Variants in ZYX observed in about 807,000 individuals in gnomAD.
ZYX encodes the protein zyxin.
Under a neutral mutation model 58.1 loss-of-function variants are expected in ZYX, and 37 were observed. That is an observed-to-expected ratio of 0.64 (90% CI 0.49 to 0.84). The LOEUF (loss-of-function observed/expected upper bound fraction) is 0.84. ZYX is among the 40% of genes least tolerant of loss of function. The probability of loss-of-function intolerance (pLI) is 0.00; values close to 1 mark genes in which losing one functional copy is unlikely to be tolerated. For synonymous variants in ZYX, 324 were observed against 321.1 expected (o/e 1.01, Z -0.10); for missense variants, 762 against 761.6 (o/e 1.00, Z -0.01).
intron 5 of ZYX, among the ~76,000 whole-genome samples, chr7:143,383,690 A>C (rs1804752197): frequency 6.6e-6 from 1 of 152,114 alleles, no homozygotes; most frequent in African/African-American, 2.4e-5. Flanking sequence ...TCTTGAGTTA[A>C]TCTCCCTGCT....
chr7:143,388,700 A>T lies in ZYX; in HGVS notation c.1314+42A>T, dbSNP rs113589902. 3 of 1,607,038 alleles carry T rather than the reference A, an allele frequency of 1.9e-6. No homozygotes were observed. The highest frequency in any genetic ancestry group is 1.1e-5 in the South Asian group (1 of 90,734). Reference sequence around the variant, plus strand: ...TGGGCTGTGCTGGGCTGTGCTGGGCAGTCGGGCCCTGGAAGCTTGCTGTGG... The same window carrying T: ...TGGGCTGTGCTGGGCTGTGCTGGGCTGTCGGGCCCTGGAAGCTTGCTGTGG... On this transcript the variant is annotated intron_variant, in intron 7 of 9. Transcript: ENST00000322764. This position sits in a 1 kb window ranked among gnomAD's most constrained non-coding sequence, Gnocchi z 7.5.
Position 143,388,128 on chromosome 7 carries a change from AGCCTCATCGGAAGAAGCCGGGTAGGCT to A in ZYX, c.1024-89_1024-63del. 3 of 1,464,556 alleles carry A rather than the reference AGCCTCATCGGAAGAAGCCGGGTAGGCT, an allele frequency of 2.0e-6. No individual in the cohort carries two copies. In the South Asian group the frequency reaches 4.0e-5, roughly 20 times the overall value. The allele number at this position is 1,464,556 out of a possible 1,614,324, so 90.7% of individuals were successfully genotyped here. On this transcript the variant is annotated intron_variant, in intron 5 of 9. Coordinates refer to ENST00000322764, the MANE Select transcript of ZYX (RefSeq NM_003461.5). This position sits in a 1 kb window ranked among gnomAD's most constrained non-coding sequence, Gnocchi z 7.5. Reference sequence around the variant, plus strand: ...CATCTGGGACACGAGCTGGGAGCTAAGCCTCATCGGAAGAAGCCGGGTAGGCTGGCCTGGGAAGGTTCTTGGAGGCAG... The same window carrying A: ...CATCTGGGACACGAGCTGGGAGCTAAGGCCTGGGAAGGTTCTTGGAGGCAG...
chr7:143,382,913 G>C lies in ZYX; in HGVS notation c.614G>C (p.Ser205Thr). ...APLPPWKSPS[S>T]SQPLPQVPAP... is the part of the protein sequence containing the mutation. Reference sequence around the variant, plus strand: ...CTGCCTCCTTGGAAGTCCCCTTCCAGCTCCCAGCCTCTGCCCCAGGTTCCG... The same window carrying C: ...CTGCCTCCTTGGAAGTCCCCTTCCACCTCCCAGCCTCTGCCCCAGGTTCCG... Residue 205 changes from serine (S) to threonine (T), a missense_variant, in exon 5 of 10, where the codon AGC becomes ACC. Ser to Thr is a moderately conservative substitution (Grantham distance 58). Transcript: ENST00000322764. 6.2e-7 allele frequency: 1 copy of C among 1,614,004 alleles called. No individual in the cohort carries two copies. The highest frequency in any genetic ancestry group is 1.1e-5 in the South Asian group (1 of 91,068).
chr7:143,382,108 C>A (rs1033087074), intron 2 of ZYX, 140 bp from the exon 3 acceptor site: 1 of 649,238 alleles, frequency 1.5e-6, no homozygotes, highest in Non-Finnish European at 2.3e-6. Flanking sequence ...CCAGGGCGCC[C>A]TGCGCCCCTC....
chr7:143,388,475 T>C lies in ZYX; in HGVS notation c.1145-14T>C. The C allele has an allele frequency of 6.2e-7, 1 of 1,609,050 alleles. No homozygotes were observed. The highest frequency in any genetic ancestry group is 8.5e-7 in the Non-Finnish European group (1 of 1,177,752). ...CTTCCTTCTATTTACTGCTGTCTTC[T>C]CTGGCCTTCCCAGAACTCTGCGGCC... On this transcript the variant is annotated splice_polypyrimidine_tract_variant and intron_variant, in intron 6 of 9. Coordinates refer to ENST00000322764, the MANE Select transcript of ZYX (RefSeq NM_003461.5). This position sits in a 1 kb window ranked among gnomAD's most constrained non-coding sequence, Gnocchi z 7.5.
chr7:143,387,804 G>A lies in ZYX; in HGVS notation c.1024-415G>A, dbSNP rs762909150. On this transcript the variant is annotated intron_variant, in intron 5 of 9. Coordinates refer to ENST00000322764, the MANE Select transcript of ZYX (RefSeq NM_003461.5). This position sits in a 1 kb window ranked among gnomAD's most constrained non-coding sequence, Gnocchi z 5.8. Reference sequence around the variant, plus strand: ...GCAGGCCGGGTAGGTGTGTGTGCGCGTGTGTGCACGCCATTGCGTGCCCCT... The same window carrying A: ...GCAGGCCGGGTAGGTGTGTGTGCGCATGTGTGCACGCCATTGCGTGCCCCT... 9.9e-5 allele frequency: 47 copies of A among 474,640 alleles called. No homozygotes were observed. The highest frequency in any genetic ancestry group is 3.5e-5 in the Non-Finnish European group (8 of 229,602). 29.4% of individuals were successfully genotyped at this position (474,640 alleles called of 1,614,324 possible). A position where few individuals can be genotyped will look rare whatever the true frequency, so the allele number is the denominator to read the frequency against.
intron 5 of ZYX, among the ~76,000 whole-genome samples, chr7:143,386,423 G>A (rs1379006193): frequency 6.6e-6 from 1 of 152,116 alleles, no homozygotes; most frequent in Admixed American, 6.5e-5. Context: ...GCAGGTGGGG[G>A]CTCAGGAGAT....
At chr7:143,382,072 GC>G in intron 2 of ZYX, 175 bp from the exon 3 acceptor site, 2 of 625,948 alleles carry the variant, frequency 3.2e-6, no homozygotes, top group Non-Finnish European at 5.4e-6. Context: ...TCGGCAGTGC[GC>G]CCGGCCTTTC....
chr7:143,389,049 T>C lies in ZYX; in HGVS notation c.1493+104T>C. The C allele has an allele frequency of 7.4e-7, 1 of 1,350,596 alleles. No individual in the cohort carries two copies. The highest frequency in any genetic ancestry group is 1.0e-6 in the Non-Finnish European group (1 of 993,398). 83.7% of individuals were successfully genotyped at this position (1,350,596 alleles called of 1,614,324 possible). A position where few individuals can be genotyped will look rare whatever the true frequency, so the allele number is the denominator to read the frequency against. ...GACAGCCCCAAACCCCTGGTGGTGT[T>C]TTCTGGTCCCATGTCCTGTCTGTAA... On this transcript the variant is annotated intron_variant, in intron 8 of 9. Transcript: ENST00000322764. The surrounding 1 kb of genome is among the most constrained non-coding windows in gnomAD (Gnocchi z 5.6).
intron 5 of ZYX, among the ~76,000 whole-genome samples, chr7:143,385,016 C>A (rs996229642): frequency 2.0e-5 from 3 of 152,016 alleles, no homozygotes; most frequent in African/African-American, 7.3e-5. Flanking sequence ...AGGGTCGGAG[C>A]GGAGGAGCTT....
chr7:143,390,640 C>T lies in ZYX; in HGVS notation c.1677C>T (p.His559=), dbSNP rs779060717. 15 of 1,587,992 alleles carry T rather than the reference C, an allele frequency of 9.4e-6. No homozygotes were observed. The African/African-American group carries it at 1.1e-4, about 11-fold the overall frequency. The change falls in exon 10 of 10, where the codon CAC becomes CAT. Residue 559 remains histidine (H), a synonymous_variant. Coordinates refer to ENST00000322764, the MANE Select transcript of ZYX (RefSeq NM_003461.5). This position sits in a 1 kb window ranked among gnomAD's most constrained non-coding sequence, Gnocchi z 4.3. The stretch of plus-strand genomic sequence containing the variant: ...ATGGCTGCTTCCCCCTGGACGGTCA[C>T]GTGCTCTGTCGGAAGTGCCACACTG... The part of the protein sequence containing the change: ...DDNGCFPLDG[H]VLCRKCHTAR...
Position 143,384,300 on chromosome 7 carries a change from G to T in ZYX, c.1023+978G>T. 2.1e-6 allele frequency: 1 copy of T among 470,476 alleles called. No individual in the cohort carries two copies. The highest frequency in any genetic ancestry group is 1.6e-5 in the South Asian group (1 of 64,482). 29.1% of individuals were successfully genotyped at this position (470,476 alleles called of 1,614,324 possible). A position where few individuals can be genotyped will look rare whatever the true frequency, so the allele number is the denominator to read the frequency against. ...CAACTCGGGGAGTCAAATTAGGAAA[G>T]GCTTCGAAGGATGGGCAGGACGTAA... On this transcript the variant is annotated intron_variant, in intron 5 of 9. Coordinates refer to ENST00000322764, the MANE Select transcript of ZYX (RefSeq NM_003461.5). The surrounding 1 kb of genome is among the most constrained non-coding windows in gnomAD (Gnocchi z 4.9).
chr7:143,381,825 G>C lies in ZYX; in HGVS notation c.208+46G>C, dbSNP rs529105710. On this transcript the variant is annotated intron_variant, in intron 2 of 9. Coordinates refer to ENST00000322764, the MANE Select transcript of ZYX (RefSeq NM_003461.5). ...AATGTACCCCGGCAGGAGCCGGGGT[G>C]GGGGGCAGTCGTTTCGGGAATTTGG... 159 of 1,464,778 alleles carry C rather than the reference G, an allele frequency of 1.1e-4. No homozygotes were observed. In the East Asian group the frequency reaches 3.6e-3, roughly 33 times the overall value. The allele number at this position is 1,464,778 out of a possible 1,614,324, so 90.7% of individuals were successfully genotyped here.
rs372036113 is a variant in ZYX at position 143,382,298 on chromosome 7, G to T, written c.259G>T (p.Gly87Cys). The T allele has an allele frequency of 8.1e-6, 13 of 1,612,450 alleles. No individual in the cohort carries two copies. The highest frequency in any genetic ancestry group is 1.1e-5 in the Non-Finnish European group (13 of 1,179,390). Residue 87 changes from glycine (G) to cysteine (C), a missense_variant, in exon 3 of 10, where the codon GGT (glycine) becomes TGT (cysteine). By Grantham distance (159) the Gly-to-Cys change is radical. Transcript: ENST00000322764. Reference protein sequence around the residue: ...PLAGDGDDAEGALGGAFPPPP... With the variant: ...PLAGDGDDAECALGGAFPPPP... ...TGCTGGGGATGGCGACGATGCAGAG[G>T]GTGCTCTGGGAGGTGCCTTCCCGCC... is the stretch of plus-strand genomic sequence containing the variant.
In ZYX at chr7:143,383,080, G is replaced by T. The variant is rs1309571848; in HGVS notation, c.781G>T (p.Ala261Ser). 35 of 1,614,054 alleles carry T rather than the reference G, an allele frequency of 2.2e-5. No homozygotes were observed. Among genetic ancestry groups the T allele is most frequent in the Non-Finnish European group, 3.0e-5 (35 of 1,180,046 alleles). Residue 261 changes from alanine (A) to serine (S), a missense_variant, in exon 5 of 10, where the codon GCT becomes TCT. Transcript: ENST00000322764. ...CCGAGGGCCCCCAGCCTCATCTCCGGCTCCAGCCCCTAAGTTTTCTCCAGT... is the reference window on the plus strand; with the variant it reads ...CCGAGGGCCCCCAGCCTCATCTCCGTCTCCAGCCCCTAAGTTTTCTCCAGT... ...QPRGPPASSP[A>S]PAPKFSPVTP...
At chr7:143,386,196 A>G (rs78170391) in intron 5 of ZYX, among the ~76,000 whole-genome samples, 1,635 of 152,008 alleles carry the variant, frequency 0.011, 10 homozygotes, top group Middle Eastern at 0.017. Context: ...CCGGGGAAGC[A>G]GGTGATGGAG....
chr7:143,387,544 C>T lies in ZYX; in HGVS notation c.1024-675C>T, dbSNP rs548133124. Among the ~76,000 whole-genome samples, 71 of 152,288 alleles carry T rather than the reference C, an allele frequency of 4.7e-4. No homozygotes were observed. Among genetic ancestry groups the T allele is most frequent in the Middle Eastern group, 3.4e-3 (1 of 294 alleles). On this transcript the variant is annotated intron_variant, in intron 5 of 9. Transcript: ENST00000322764. This position sits in a 1 kb window ranked among gnomAD's most constrained non-coding sequence, Gnocchi z 5.8. ...CTGTCCTTAACATCCACCCCCCACT[C>T]CAGTCCCCGGGATCCCCTAAATGGG... is the stretch of plus-strand genomic sequence containing the variant.
Position 143,381,653 on chromosome 7 carries a change from C to T in ZYX, c.82C>T (p.Pro28Ser). Residue 28 changes from proline (P) to serine (S), a missense_variant, in exon 2 of 10, where the codon CCT becomes TCT. Coordinates refer to ENST00000322764, the MANE Select transcript of ZYX (RefSeq NM_003461.5). ...AFYAPQKKFG[P>S]VVAPKPKVNP... ...TTACGCCCCGCAGAAGAAGTTCGGC[C>T]CTGTGGTGGCCCCAAAGCCCAAAGT... 6.2e-7 allele frequency: 1 copy of T among 1,612,170 alleles called. No homozygotes were observed. Among genetic ancestry groups the T allele is most frequent in the Non-Finnish European group, 8.5e-7 (1 of 1,179,562 alleles).
intron 5 of ZYX, among the ~76,000 whole-genome samples, chr7:143,385,988 T>C (rs1804849376): frequency 6.6e-6 from 1 of 150,726 alleles, no homozygotes; most frequent in Non-Finnish European, 1.5e-5. Flanking sequence ...GTGTGTGTGG[T>C]ATGGTATATG....
Sources: allele counts gnomAD v4.1 joint callset (sites outside exome capture counted in the v4.1 genomes callset), GRCh38; gene constraint gnomAD v4.1.1; non-coding constraint Gnocchi (gnomAD v3.1); transcripts MANE v1.5; gene names NCBI Gene and HGNC (gene_info 2026-07-23, HGNC 2026-07-21).